KIAA0586: variants seen among roughly 807,000 people sequenced by gnomAD.
The protein encoded by KIAA0586 is protein TALPID3.
In KIAA0586, 144 loss-of-function variants were observed where a neutral mutation model predicts 169.8. The ratio of observed to expected loss-of-function variants is 0.85; its 90% CI spans 0.74 to 0.97. The LOEUF is 0.97. Ranked by LOEUF, KIAA0586 falls within the 50% of genes least tolerant of loss-of-function variation. The pLI is 0.00. For missense variants in KIAA0586, 1,854 were observed against 1,823.0 expected (o/e 1.02, Z -0.31); for synonymous variants, 625 against 612.4 (o/e 1.02, Z -0.30).
chr14:58,527,062 A>G (rs1449750289), intron 29 of KIAA0586, among the ~76,000 whole-genome samples: 1 of 152,120 alleles, frequency 6.6e-6, no homozygotes, highest in African/African-American at 2.4e-5. Flanking sequence ...AAGCATACTC[A>G]AGTATCAATA....
chr14:58,503,752 T>C (rs72718739), intron 27 of KIAA0586, among the ~76,000 whole-genome samples: 9,864 of 150,026 alleles, frequency 0.066, 442 homozygotes, highest in Non-Finnish European at 0.095. Context: ...ATGCTTGCCA[T>C]GTGGTGAGTG....
chr14:58,472,125 G>C, intron 17 of KIAA0586, 74 bp from the exon 18 acceptor site: 1 of 681,726 alleles, frequency 1.5e-6, no homozygotes, highest in Non-Finnish European at 2.4e-6. Flanking sequence ...TACTATAGGT[G>C]GAAATATGAT....
At chr14:58,499,730 T>G (rs1258283500) in intron 27 of KIAA0586, among the ~76,000 whole-genome samples, 1 of 152,032 alleles carries the variant, frequency 6.6e-6, no homozygotes, top group African/African-American at 2.4e-5. Context: ...AGCTAATTTT[T>G]GTATTTTTAT....
rs752309714 is a variant in KIAA0586 at position 58,547,820 on chromosome 14, C to G, written c.4535C>G (p.Pro1512Arg). The change falls in exon 31 of 31, where the codon CCT (proline) becomes CGT (arginine). Residue 1512 changes from proline (P) to arginine (R), a missense_variant. By Grantham distance (103) the Pro-to-Arg change is moderately radical. Coordinates refer to ENST00000652326, the MANE Select transcript of KIAA0586 (RefSeq NM_001329943.3). ...AVPLSASQMP[P>R]AKMSVMLPSV... is the part of the protein sequence containing the mutation. ...CCACTCTCCGCTTCACAGATGCCCC[C>G]TGCCAAGATGTCAGTGATGCTGCCG... The G allele has an allele frequency of 4.3e-6, 7 of 1,613,740 alleles. No homozygotes were observed. The highest frequency in any genetic ancestry group is 3.3e-5 in the Admixed American group (2 of 60,004).
chr14:58,534,958 T>C (rs1411121714), intron 29 of KIAA0586, among the ~76,000 whole-genome samples: 3 of 152,152 alleles, frequency 2.0e-5, no homozygotes, highest in Admixed American at 2.0e-4. Flanking sequence ...GGAAGCAGTA[T>C]CCAGCTCAAG....
intron 27 of KIAA0586, among the ~76,000 whole-genome samples, chr14:58,500,256 T>C (rs2043458993): frequency 6.6e-6 from 1 of 152,248 alleles, no homozygotes; most frequent in Admixed American, 6.5e-5. Context: ...TTATTTATGT[T>C]TCTGTTTAAA....
intron 29 of KIAA0586, chr14:58,537,221 A>G (rs1352001141): frequency 1.7e-5 from 17 of 1,008,154 alleles, no homozygotes; most frequent in African/African-American, 5.2e-5. Flanking sequence ...TGATACTGTG[A>G]TAGTGGCTTA....
intron 23 of KIAA0586, among the ~76,000 whole-genome samples, chr14:58,488,327 T>C (rs1426677539): frequency 6.6e-6 from 1 of 152,178 alleles, no homozygotes; most frequent in Non-Finnish European, 1.5e-5. Context: ...GAAATAAAGG[T>C]ATCTATTATA....
At chr14:58,476,331 T>TC (rs2041621133) in intron 19 of KIAA0586, among the ~76,000 whole-genome samples, 1 of 152,184 alleles carries the variant, frequency 6.6e-6, no homozygotes, top group Non-Finnish European at 1.5e-5. Context: ...TGTTCCCCTT[T>TC]CCCTTCCTGA....
chr14:58,481,282 T>C lies in KIAA0586; in HGVS notation c.2945-1231T>C, dbSNP rs186774958. Among the ~76,000 whole-genome samples, 160 of 152,360 alleles carry C rather than the reference T, an allele frequency of 1.1e-3. 1 individual carries two copies. The highest frequency in any genetic ancestry group is 3.3e-3 in the African/African-American group (136 of 41,584). ...GGTTGTACAAATGAGTATCCACTTA[T>C]TTTCCGCATGGAGCTTTATAAATAT... On this transcript the variant is annotated intron_variant, in intron 20 of 30. Transcript: ENST00000652326.
Position 58,428,359 on chromosome 14 carries a change from A to G in KIAA0586, c.95A>G (p.His32Arg), listed in dbSNP as rs1467531891. The G allele has an allele frequency of 1.2e-6, 2 of 1,613,996 alleles. No homozygotes were observed. Among genetic ancestry groups the G allele is most frequent in the Non-Finnish European group, 8.5e-7 (1 of 1,179,862 alleles). ...GTAGTTTCTCAAAATCATGGAGATC[A>G]TTTGGTTTTGCTGAAAGATGAGTTG... ...REVVSQNHGD[H>R]LVLLKDELPC... Residue 32 changes from histidine (H) to arginine (R), a missense_variant, in exon 1 of 31, where the codon CAT (histidine) becomes CGT (arginine). Physicochemically the swap from His to Arg is conservative, Grantham distance 29. Coordinates refer to ENST00000652326, the MANE Select transcript of KIAA0586 (RefSeq NM_001329943.3).
chr14:58,479,462 T>A (rs1217354656), intron 20 of KIAA0586, among the ~76,000 whole-genome samples: 1 of 152,224 alleles, frequency 6.6e-6, no homozygotes, highest in Non-Finnish European at 1.5e-5. Flanking sequence ...TCTTCTACTT[T>A]GTGTTTTGCC....
chr14:58,505,527 A>G (rs1204903681), intron 27 of KIAA0586, among the ~76,000 whole-genome samples: 2 of 152,206 alleles, frequency 1.3e-5, no homozygotes, highest in Non-Finnish European at 2.9e-5. Context: ...TTAGTTTAGA[A>G]ATAGATAATG....
chr14:58,488,876 T>C lies in KIAA0586; in HGVS notation c.3781+2T>C, dbSNP rs1331480187. 2 of 1,612,722 alleles carry C rather than the reference T, an allele frequency of 1.2e-6. No individual in the cohort carries two copies. The highest frequency in any genetic ancestry group is 2.7e-5 in the African/African-American group (2 of 74,810). On this transcript the variant is annotated splice_donor_variant, in intron 24 of 30. Coordinates refer to ENST00000652326, the MANE Select transcript of KIAA0586 (RefSeq NM_001329943.3). LOFTEE classifies it high-confidence loss of function. ...GTGGTCAAAAATTGGCCCCCAAGAGTAAGTTAATTTGTATTAGTTGATTTT... is the reference window on the plus strand; with the variant it reads ...GTGGTCAAAAATTGGCCCCCAAGAGCAAGTTAATTTGTATTAGTTGATTTT...
intron 22 of KIAA0586, 102 bp from the exon 23 acceptor site, chr14:58,487,785 T>A (rs1371598980): frequency 1.2e-5 from 8 of 664,232 alleles, no homozygotes; most frequent in Non-Finnish European, 1.8e-5. Flanking sequence ...ATTATTTGTG[T>A]GCTAAAATGG....
chr14:58,459,982 A>G lies in KIAA0586; in HGVS notation c.1796A>G (p.Lys599Arg). 1 of 1,534,894 alleles carries G rather than the reference A, an allele frequency of 6.5e-7. No homozygotes were observed. Among genetic ancestry groups the G allele is most frequent in the Non-Finnish European group, 8.7e-7 (1 of 1,146,098 alleles). ...GTCAACAAATCTGTAATTCCAAGAA[A>G]ACATTCTCAAAAGCAAATAGAAGAG... ...KTVNKSVIPR[K>R]HSQKQIEEHF... Residue 599 changes from lysine to arginine, a missense_variant, in exon 13 of 31, where the codon AAA becomes AGA. By Grantham distance (26) the Lys-to-Arg change is conservative. Coordinates refer to ENST00000652326, the MANE Select transcript of KIAA0586 (RefSeq NM_001329943.3).
At chr14:58,505,710 T>A (rs547168028) in intron 27 of KIAA0586, among the ~76,000 whole-genome samples, 1 of 152,160 alleles carries the variant, frequency 6.6e-6, no homozygotes, top group African/African-American at 2.4e-5. Context: ...TTCATTCATA[T>A]GTTTGTTGGC....
At chr14:58,516,457 C>A (rs1327967259) in intron 29 of KIAA0586, among the ~76,000 whole-genome samples, 1 of 152,172 alleles carries the variant, frequency 6.6e-6, no homozygotes, top group Non-Finnish European at 1.5e-5. Context: ...TAGTCTTGGT[C>A]CCACAATCTT....
intron 29 of KIAA0586, among the ~76,000 whole-genome samples, chr14:58,523,447 T>C (rs758210635): frequency 1.3e-5 from 2 of 152,124 alleles, no homozygotes; most frequent in African/African-American, 4.8e-5. Context: ...AACTTGACTT[T>C]AAAGTTTTTA....
Sources: gnomAD v4.1 joint callset for allele counts (sites outside exome capture counted in the v4.1 genomes callset) on GRCh38, gnomAD v4.1.1 for gene constraint, MANE v1.5 for transcripts, NCBI Gene and HGNC (gene_info 2026-07-23, HGNC 2026-07-21) for gene names.